ERGIC3: variants seen among roughly 807,000 people sequenced by gnomAD.
ERGIC3 encodes endoplasmic reticulum-Golgi intermediate compartment protein 3.
In ERGIC3, 33 loss-of-function variants were observed where a neutral mutation model predicts 54.7. That is an observed-to-expected ratio of 0.60 (90% CI 0.46 to 0.81). The LOEUF (loss-of-function observed/expected upper bound fraction) is 0.81, where lower values mean the gene tolerates loss of function less well. Ranked by LOEUF, ERGIC3 falls within the 30% of genes least tolerant of loss-of-function variation. ERGIC3 has a pLI of 0.00. For missense variants in ERGIC3, 399 were observed against 488.4 expected, an observed-to-expected ratio of 0.82 and a Z score of 1.73; for synonymous variants, 186 against 189.8, an observed-to-expected ratio of 0.98 and a Z score of 0.16.
At chr20:35,543,660 G>A (rs2064629798) in intron 4 of ERGIC3, 1 of 471,060 alleles carries the variant, frequency 2.1e-6, no homozygotes, top group African/African-American at 2.0e-5. Context: ...TGTTTCAGCA[G>A]ATTAATGCAG....
rs115682930 is a variant in ERGIC3, at chr20:35,544,652, G to A, written c.367+1711G>A. The A allele has an allele frequency of 9.5e-3, 1,902 of 201,214 alleles. 37 individuals are homozygous for A. The highest frequency in any genetic ancestry group is 0.042 in the African/African-American group (1,752 of 42,058). 12.5% of individuals were successfully genotyped at this position (201,214 alleles called of 1,614,324 possible). ...ACATGAATTTGGTGTTTGGTCAGGC[G>A]CCCGCGGCGGCAGCTGTGCCTGGGC... On this transcript the variant is annotated intron_variant, in intron 4 of 12. Transcript: ENST00000348547.
At position 35,557,599 on chromosome 20, in the gene ERGIC3, CCAGGTT is replaced by C; in HGVS notation, c.*96_*101del. ...TCCACCTCCTCGGTCAGCCCCAGCC[CCAGGTT>C]GATAAATCTATTGATTGATTGTGAT... On this transcript the variant is annotated 3_prime_UTR_variant, in exon 13 of 13. Transcript: ENST00000348547. The C allele has an allele frequency of 9.7e-7, 1 of 1,032,172 alleles. No individual in the cohort carries two copies. The highest frequency in any genetic ancestry group is 1.5e-6 in the Non-Finnish European group (1 of 667,736). The allele number at this position is 1,032,172 out of a possible 1,614,324, so 63.9% of individuals were successfully genotyped here. A position where few individuals can be genotyped will look rare whatever the true frequency, so the allele number is the denominator to read the frequency against.
intron 7 of ERGIC3, among the ~76,000 whole-genome samples, chr20:35,551,774 T>A (rs1037445610): frequency 5.9e-5 from 9 of 152,204 alleles, no homozygotes; most frequent in African/African-American, 2.2e-4. Flanking sequence ...CCATGGCATG[T>A]ACATGCAACA....
Position 35,542,611 on chromosome 20 carries a change from C to T in ERGIC3, c.247+11C>T. On this transcript the variant is annotated intron_variant, in intron 3 of 12. Transcript: ENST00000348547. ...ACATGCCTTGTGCCTGTGAGTACCT[C>T]ACCATGGGTGGGACTGGAGAGACCC... 6.2e-7 allele frequency: 1 copy of T among 1,613,826 alleles called. No individual in the cohort carries two copies. Among genetic ancestry groups the T allele is most frequent in the Middle Eastern group, 1.7e-4 (1 of 6,058 alleles).
intron 8 of ERGIC3, among the ~76,000 whole-genome samples, chr20:35,555,294 A>C (rs902001682): frequency 1.3e-5 from 2 of 152,128 alleles, no homozygotes; most frequent in African/African-American, 4.8e-5. Context: ...AGCATCCTAG[A>C]CAGACAGAGC....
Position 35,557,228 on chromosome 20 carries a change from A to G in ERGIC3, c.1051A>G (p.Ile351Val), listed in dbSNP as rs1157781968. 1 of 1,613,972 alleles carries G rather than the reference A, an allele frequency of 6.2e-7. No homozygotes were observed. Among genetic ancestry groups the G allele is most frequent in the Non-Finnish European group, 8.5e-7 (1 of 1,180,006 alleles). ...FTHFLTGVCA[I>V]IGGMFTVAGL... ...CCACTTCCTGACAGGTGTGTGCGCC[A>G]TCATTGGGGGCATGTTCACAGGTAA... is the stretch of plus-strand genomic sequence containing the variant. The change falls in exon 12 of 13, where the codon ATC becomes GTC. Residue 351 changes from isoleucine (I) to valine (V), a missense_variant. Transcript: ENST00000348547.
At chr20:35,547,834 A>T (rs2064657531) in intron 5 of ERGIC3, among the ~76,000 whole-genome samples, 1 of 152,170 alleles carries the variant, frequency 6.6e-6, no homozygotes, top group African/African-American at 2.4e-5. Flanking sequence ...AAGAGGGATG[A>T]TAATAACATC....
At chr20:35,548,746 T>C in intron 6 of ERGIC3, 62 bp from the exon 7 acceptor site, 1 of 1,613,658 alleles carries the variant, frequency 6.2e-7, no homozygotes, top group South Asian at 1.1e-5. Context: ...GAGGGCCCAG[T>C]CAGGCCCTGA....
chr20:35,543,178 A>C (rs1200581074), intron 4 of ERGIC3: 1 of 470,612 alleles, frequency 2.1e-6, no homozygotes, highest in Non-Finnish European at 3.9e-6. Flanking sequence ...CAATACCTGC[A>C]GATGGTAGTT....
rs1347705509 is a variant in ERGIC3 at position 35,548,604 on chromosome 20, G to T, written c.557G>T (p.Gly186Val). 6.2e-7 allele frequency: 1 copy of T among 1,614,230 alleles called. No homozygotes were observed. Among genetic ancestry groups the T allele is most frequent in the Non-Finnish European group, 8.5e-7 (1 of 1,180,044 alleles). Residue 186 changes from glycine (G) to valine (V), a missense_variant, in exon 6 of 13, where the codon GGC becomes GTC. Physicochemically the swap from Gly to Val is moderately radical, Grantham distance 109. Transcript: ENST00000348547. ...ACTATTGAGCAGTGCCGGCGAGAGG[G>T]CTTCAGCCAGAAGATGCAGGAGCAG... ...PDTIEQCRREGFSQKMQEQKN... is the reference protein window; with the variant it reads ...PDTIEQCRREVFSQKMQEQKN...
At chr20:35,549,987 T>C (rs2064673127) in intron 7 of ERGIC3, among the ~76,000 whole-genome samples, 1 of 151,990 alleles carries the variant, frequency 6.6e-6, no homozygotes, top group African/African-American at 2.4e-5. Context: ...GTAACCCCAG[T>C]GTAGGTCAGG....
chr20:35,555,036 T>C lies in ERGIC3; in HGVS notation c.686-8T>C. ...GCCTTCTCCCTTGCCTTCTCCCTTC[T>C]CTCCTAGTCCATGACTTGCAGAGCT... On this transcript the variant is annotated splice_polypyrimidine_tract_variant and splice_region_variant and intron_variant, in intron 7 of 12. Transcript: ENST00000348547. 1 of 1,612,690 alleles carries C rather than the reference T, an allele frequency of 6.2e-7. No individual in the cohort carries two copies. Among genetic ancestry groups the C allele is most frequent in the South Asian group, 1.1e-5 (1 of 91,050 alleles).
At chr20:35,554,390 A>T (rs2064699924) in intron 7 of ERGIC3, 1 of 1,613,970 alleles carries the variant, frequency 6.2e-7, no homozygotes, top group Non-Finnish European at 8.5e-7. Context: ...GTGGAGAGTA[A>T]GTGGCCCTGC....
intron 9 of ERGIC3, 29 bp downstream of exon 9, chr20:35,556,158 G>C (rs760432531): frequency 6.2e-7 from 1 of 1,614,092 alleles, no homozygotes; most frequent in South Asian, 1.1e-5. Context: ...GCCCCCAGCC[G>C]CAGAAGGCCG....
At chr20:35,542,716 C>T (rs1054164513) in intron 3 of ERGIC3, 106 bp from the exon 4 acceptor site, 25 of 1,603,600 alleles carry the variant, frequency 1.6e-5, no homozygotes, top group Middle Eastern at 1.7e-4. Context: ...TCCTTCTCCT[C>T]ATCCCGTTCT....
intron 7 of ERGIC3, 63 bp from the exon 8 acceptor site, chr20:35,554,978 AAGG>A (rs750937547): frequency 1.3e-6 from 2 of 1,573,546 alleles, no homozygotes; most frequent in Non-Finnish European, 8.7e-7. Context: ...CAGGGGGAGG[AAGG>A]AGGAGGCCAG....
Position 35,542,617 on chromosome 20 carries a change from G to A in ERGIC3, c.247+17G>A. 1.2e-6 allele frequency: 2 copies of A among 1,613,588 alleles called. No individual in the cohort carries two copies. The highest frequency in any genetic ancestry group is 1.7e-6 in the Non-Finnish European group (2 of 1,179,672). ...CTTGTGCCTGTGAGTACCTCACCAT[G>A]GGTGGGACTGGAGAGACCCAGGGTT... On this transcript the variant is annotated intron_variant, in intron 3 of 12. Transcript: ENST00000348547.
At chr20:35,543,742 T>G (rs2064630152) in intron 4 of ERGIC3, 2 of 470,066 alleles carry the variant, frequency 4.3e-6, no homozygotes, top group African/African-American at 4.0e-5. Flanking sequence ...TCATGGTTGT[T>G]GATTCCAACG....
chr20:35,557,579 C>T lies in ERGIC3; in HGVS notation c.*75C>T. On this transcript the variant is annotated 3_prime_UTR_variant, in exon 13 of 13. Coordinates refer to ENST00000348547, the MANE Select transcript of ERGIC3 (RefSeq NM_015966.3). ...TCCCCCAGCCTCTGCCACCCTCCAC[C>T]TCCTCGGTCAGCCCCAGCCCCAGGT... The T allele has an allele frequency of 3.1e-6, 4 of 1,289,406 alleles. No individual in the cohort carries two copies. Among genetic ancestry groups the T allele is most frequent in the Middle Eastern group, 1.9e-4 (1 of 5,238 alleles). 79.9% of individuals were successfully genotyped at this position (1,289,406 alleles called of 1,614,324 possible).
Sources: gnomAD v4.1 joint callset for allele counts (sites outside exome capture counted in the v4.1 genomes callset) on GRCh38, gnomAD v4.1.1 for gene constraint, MANE v1.5 for transcripts, NCBI Gene and HGNC (gene_info 2026-07-23, HGNC 2026-07-21) for gene names.